Variants in LDB2 observed in about 807,000 individuals in gnomAD.
LDB2 encodes LIM domain-binding protein 2.
LDB2 carries 12 observed loss-of-function variants against 44.3 expected under a neutral mutation model. That is an observed-to-expected ratio of 0.27 (90% CI 0.17 to 0.44). The LOEUF is 0.44. LDB2 is among the 20% of genes least tolerant of loss of function. The probability of loss-of-function intolerance (pLI) is 1.00; values close to 1 mark genes in which losing one functional copy is unlikely to be tolerated. For missense variants in LDB2, 344 were observed against 473.5 expected (o/e 0.73, Z 2.54); for synonymous variants, 164 against 174.8 (o/e 0.94, Z 0.49).
intron 4 of LDB2, 133 bp from the exon 5 acceptor site, chr4:16,586,138 G>T: frequency 1.5e-6 from 1 of 659,054 alleles, no homozygotes; most frequent in South Asian, 1.8e-5. Flanking sequence ...GGCTGCTGGA[G>T]GTAATTTAAT....
intron 1 of LDB2, among the ~76,000 whole-genome samples, chr4:16,864,275 G>A (rs964223678): frequency 4.6e-5 from 7 of 151,950 alleles, no homozygotes; most frequent in African/African-American, 1.7e-4. Flanking sequence ...AAAGATCCAG[G>A]GTAAATGTTT....
intron 2 of LDB2, among the ~76,000 whole-genome samples, chr4:16,619,112 C>T (rs974268547): frequency 3.3e-5 from 5 of 152,176 alleles, no homozygotes; most frequent in South Asian, 2.1e-4. Context: ...TACCCAGTCT[C>T]AGGTAGTTCT....
intron 5 of LDB2, among the ~76,000 whole-genome samples, chr4:16,570,566 A>G (rs1217072014): frequency 6.8e-6 from 1 of 147,434 alleles, no homozygotes; most frequent in African/African-American, 2.5e-5. Flanking sequence ...ACTGATGATT[A>G]TGTAAGATAA....
chr4:16,889,505 G>T (rs1722730559), intron 1 of LDB2: 2 of 152,090 alleles, frequency 1.3e-5, no homozygotes, highest in African/African-American at 4.8e-5. Flanking sequence ...TTTTCCTTTG[G>T]GCTTGACGTG....
intron 1 of LDB2, among the ~76,000 whole-genome samples, chr4:16,766,662 C>T (rs368399917): frequency 2.5e-4 from 38 of 151,746 alleles, no homozygotes; most frequent in Middle Eastern, 3.4e-3. Context: ...CCCACCACCA[C>T]GCCCAGCTAA....
intron 2 of LDB2, among the ~76,000 whole-genome samples, chr4:16,655,288 C>T (rs567011910): frequency 1.3e-5 from 2 of 152,266 alleles, no homozygotes; most frequent in Admixed American, 6.5e-5. Context: ...TCCAGATTCT[C>T]ACAGACATGA....
intron 5 of LDB2, among the ~76,000 whole-genome samples, chr4:16,575,050 T>C (rs1177246470): frequency 6.6e-6 from 1 of 152,020 alleles, no homozygotes; most frequent in East Asian, 1.9e-4. Flanking sequence ...ATGACAAAGG[T>C]GTTTAGGGGA....
intron 2 of LDB2, among the ~76,000 whole-genome samples, chr4:16,732,547 T>C (rs1003155620): frequency 6.6e-6 from 1 of 152,242 alleles, no homozygotes; most frequent in Non-Finnish European, 1.5e-5. Context: ...CTGATTATTA[T>C]GCAAGGATAG....
intron 5 of LDB2, among the ~76,000 whole-genome samples, chr4:16,574,902 G>A (rs977899112): frequency 6.6e-6 from 1 of 152,214 alleles, no homozygotes; most frequent in African/African-American, 2.4e-5. Flanking sequence ...TCGGTAGTAA[G>A]GGGAAGCATT....
At chr4:16,513,843 G>C (rs1323941452) in intron 5 of LDB2, among the ~76,000 whole-genome samples, 1 of 152,162 alleles carries the variant, frequency 6.6e-6, no homozygotes, top group Non-Finnish European at 1.5e-5. Context: ...CTTCCCCAAG[G>C]AAGGTCATAG....
chr4:16,611,018 C>G (rs1725455718), intron 2 of LDB2, among the ~76,000 whole-genome samples: 1 of 152,178 alleles, frequency 6.6e-6, no homozygotes, highest in Non-Finnish European at 1.5e-5. Flanking sequence ...GAGGACGTCT[C>G]AGCAGAAACT....
intron 5 of LDB2, among the ~76,000 whole-genome samples, chr4:16,568,292 C>A (rs1290921890): frequency 6.6e-6 from 1 of 152,088 alleles, no homozygotes; most frequent in African/African-American, 2.4e-5. Flanking sequence ...CTGTATAAAT[C>A]AATTTTGTTC....
intron 1 of LDB2, among the ~76,000 whole-genome samples, chr4:16,807,480 T>C (rs935756914): frequency 1.3e-5 from 2 of 152,234 alleles, no homozygotes; most frequent in African/African-American, 4.8e-5. Flanking sequence ...TCACTCATTC[T>C]TCCCTTGTTT....
chr4:16,680,967 T>C (rs1330472014), intron 2 of LDB2, among the ~76,000 whole-genome samples: 1 of 152,192 alleles, frequency 6.6e-6, no homozygotes, highest in Non-Finnish European at 1.5e-5. Flanking sequence ...AATAGGATTG[T>C]GGTAGGCAAA....
At chr4:16,873,639 T>C (rs1717420689) in intron 1 of LDB2, among the ~76,000 whole-genome samples, 1 of 152,242 alleles carries the variant, frequency 6.6e-6, no homozygotes, top group South Asian at 2.1e-4. Flanking sequence ...TTTCTTAATA[T>C]TGTTTTTATA....
chr4:16,766,436 GTA>G (rs4065385), intron 1 of LDB2, among the ~76,000 whole-genome samples: 22 of 147,832 alleles, frequency 1.5e-4, no homozygotes, highest in Admixed American at 1.3e-4. Flanking sequence ...ATAAATGTAT[GTA>G]TGTGTGTGTA....
rs144923933 is a variant in LDB2 at position 16,848,351 on chromosome 4, C to G, written c.132+50003G>C. Among the ~76,000 whole-genome samples the G allele has an allele frequency of 8.1e-3, 1,228 of 152,280 alleles. 21 individuals are homozygous for G. Among genetic ancestry groups the G allele is most frequent in the Admixed American group, 0.047 (722 of 15,290 alleles). ...CTAATTAATGGCATTTGTACCCAAA[C>G]TAATTTGAAATTTTAATGTTTTAAA... On this transcript the variant is annotated intron_variant, in intron 1 of 7. Coordinates refer to ENST00000304523, the MANE Select transcript of LDB2 (RefSeq NM_001290.5).
intron 2 of LDB2, among the ~76,000 whole-genome samples, chr4:16,628,834 A>T (rs1304555133): frequency 6.6e-6 from 1 of 152,136 alleles, no homozygotes; most frequent in Non-Finnish European, 1.5e-5. Context: ...GGGTCAGGGG[A>T]TCTCCCTTTC....
At position 16,722,845 on chromosome 4, in the gene LDB2, G is replaced by A. The variant is rs556655569; in HGVS notation, c.235+36313C>T. ...TTGGCATGATGAGAAACAGCAAGAA[G>A]GCCCAGACAGTCCTCACCTTATGAT... On this transcript the variant is annotated intron_variant, in intron 2 of 7. Transcript: ENST00000304523. Among the ~76,000 whole-genome samples the A allele has an allele frequency of 2.0e-5, 3 of 152,196 alleles. No homozygotes were observed. In the East Asian group the frequency reaches 5.8e-4, roughly 29 times the overall value.
Sources: allele counts gnomAD v4.1 joint callset (sites outside exome capture counted in the v4.1 genomes callset), GRCh38; gene constraint gnomAD v4.1.1; transcripts MANE v1.5; gene names NCBI Gene and HGNC (gene_info 2026-07-23, HGNC 2026-07-21).